TAFA5: variants seen among roughly 807,000 people sequenced by gnomAD.
TAFA5 encodes the protein chemokine-like protein TAFA-5.
In TAFA5, 6 loss-of-function variants were observed where a neutral mutation model predicts 15.3. The ratio of observed to expected loss-of-function variants is 0.39; its 90% CI spans 0.21 to 0.77. TAFA5 has a LOEUF of 0.77. TAFA5 is among the 30% of genes least tolerant of loss of function. TAFA5 has a pLI of 0.41. For synonymous variants in TAFA5, 103 were observed against 80.7 expected, an observed-to-expected ratio of 1.28 and a Z score of -1.48; for missense variants, 161 against 193.1, an observed-to-expected ratio of 0.83 and a Z score of 0.98.
At chr22:48,607,766 C>A (rs114227506) in intron 1 of TAFA5, among the ~76,000 whole-genome samples, 19,241 of 151,778 alleles carry the variant, frequency 0.13, 1,325 homozygotes, top group African/African-American at 0.16. Context: ...GGGTCTGCAG[C>A]AGGCAGACCC....
chr22:48,668,846 A>C (rs1927710145), intron 2 of TAFA5, among the ~76,000 whole-genome samples: 1 of 152,198 alleles, frequency 6.6e-6, no homozygotes, highest in African/African-American at 2.4e-5. Flanking sequence ...CTCCTGGTGG[A>C]GGCTGCTGCG....
intron 2 of TAFA5, among the ~76,000 whole-genome samples, chr22:48,667,786 A>C (rs1192561941): frequency 2.6e-5 from 2 of 77,626 alleles, no homozygotes; most frequent in African/African-American, 1.1e-4. Context: ...GTAATCCCCC[A>C]GCACTCAGGA....
At chr22:48,678,598 G>A (rs972444038) in intron 2 of TAFA5, among the ~76,000 whole-genome samples, 5 of 152,184 alleles carry the variant, frequency 3.3e-5, no homozygotes, top group East Asian at 3.9e-4. Context: ...TGCGGCAGGC[G>A]GGGCCAGGGC....
intron 2 of TAFA5, among the ~76,000 whole-genome samples, chr22:48,703,941 C>A (rs541132409): frequency 6.6e-6 from 1 of 152,366 alleles, no homozygotes; most frequent in South Asian, 2.1e-4. Context: ...GAAGGGCTCA[C>A]TTCACCTGAG....
At chr22:48,685,959 C>T (rs900286308) in intron 2 of TAFA5, among the ~76,000 whole-genome samples, 9 of 136,036 alleles carry the variant, frequency 6.6e-5, no homozygotes, top group African/African-American at 3.4e-4. Context: ...CACGTGCGCC[C>T]CGGGAGTACA....
At chr22:48,684,468 C>CT (rs1928292812) in intron 2 of TAFA5, among the ~76,000 whole-genome samples, 1 of 152,168 alleles carries the variant, frequency 6.6e-6, no homozygotes, top group African/African-American at 2.4e-5. Flanking sequence ...TAACCATGGT[C>CT]TAGAAGTACA....
At chr22:48,636,979 A>G (rs1926473170) in intron 1 of TAFA5, among the ~76,000 whole-genome samples, 1 of 152,178 alleles carries the variant, frequency 6.6e-6, no homozygotes, top group Non-Finnish European at 1.5e-5. Flanking sequence ...AGGTATGGGC[A>G]GTAGGGGCCC....
At chr22:48,516,440 A>T (rs1921409707) in intron 1 of TAFA5, among the ~76,000 whole-genome samples, 1 of 151,956 alleles carries the variant, frequency 6.6e-6, no homozygotes, top group Non-Finnish European at 1.5e-5. Flanking sequence ...TTCAGTGCAG[A>T]CATCATCACC....
intron 3 of TAFA5, among the ~76,000 whole-genome samples, chr22:48,739,355 T>C (rs1930116521): frequency 2.0e-5 from 3 of 152,332 alleles, no homozygotes; most frequent in African/African-American, 7.2e-5. Flanking sequence ...ATGTTGAGAC[T>C]GCGGTCTGGT....
rs985209123 is a variant in TAFA5 at position 48,558,357 on chromosome 22, T to C, written c.112+68653T>C. On this transcript the variant is annotated intron_variant, in intron 1 of 3. Coordinates refer to ENST00000402357, the MANE Select transcript of TAFA5 (RefSeq NM_001082967.3). Reference sequence around the variant, plus strand: ...TTTTACACATAGACAAATTAAATCTTGTTTTTGAATGCGTCCCTCCCTGGA... The same window carrying C: ...TTTTACACATAGACAAATTAAATCTCGTTTTTGAATGCGTCCCTCCCTGGA... Among the ~76,000 whole-genome samples, 112 of 152,226 alleles carry C rather than the reference T, an allele frequency of 7.4e-4. 2 individuals are homozygous for C. Among genetic ancestry groups the C allele is most frequent in the Admixed American group, 6.5e-4 (10 of 15,288 alleles).
chr22:48,564,689 T>G (rs1027494357), intron 1 of TAFA5, among the ~76,000 whole-genome samples: 1 of 152,176 alleles, frequency 6.6e-6, no homozygotes, highest in Non-Finnish European at 1.5e-5. Flanking sequence ...AGCCTCCTTC[T>G]CAGTTGGACA....
chr22:48,554,900 T>C (rs769639114), intron 1 of TAFA5, among the ~76,000 whole-genome samples: 3 of 152,128 alleles, frequency 2.0e-5, no homozygotes, highest in Non-Finnish European at 2.9e-5. Context: ...CCTCTCCCCA[T>C]AGTGGTCCTG....
intron 1 of TAFA5, among the ~76,000 whole-genome samples, chr22:48,521,969 G>A (rs189500859): frequency 2.6e-5 from 4 of 152,314 alleles, no homozygotes; most frequent in East Asian, 1.9e-4. Flanking sequence ...GACAGAGGCC[G>A]AGCTCCCGGC....
In TAFA5 at chr22:48,737,647, G is replaced by A. The variant is rs947827814; in HGVS notation, c.391-12192G>A. Among the ~76,000 whole-genome samples, 9 of 152,224 alleles carry A rather than the reference G, an allele frequency of 5.9e-5. No individual in the cohort carries two copies. The South Asian group carries it at 8.3e-4, about 14-fold the overall frequency. On this transcript the variant is annotated intron_variant, in intron 3 of 3. Transcript: ENST00000402357. ...GGAAGGTTGGAAGTGGCAGAGCCACGTCCTTCACACGCCCTTCGATGTTGC... is the reference window on the plus strand; with the variant it reads ...GGAAGGTTGGAAGTGGCAGAGCCACATCCTTCACACGCCCTTCGATGTTGC...
intron 1 of TAFA5, among the ~76,000 whole-genome samples, chr22:48,586,460 T>G (rs2147152806): frequency 6.6e-6 from 1 of 152,164 alleles, no homozygotes; most frequent in Middle Eastern, 3.4e-3. Context: ...AAGGGAATGA[T>G]AAAAGGAGTG....
At chr22:48,630,269 C>T (rs1926169833) in intron 1 of TAFA5, among the ~76,000 whole-genome samples, 2 of 152,136 alleles carry the variant, frequency 1.3e-5, no homozygotes, top group South Asian at 2.1e-4. Context: ...CGCTGAATGA[C>T]GTGTCCCCTG....
chr22:48,542,333 G>GGT (rs1333915692), intron 1 of TAFA5, among the ~76,000 whole-genome samples: 4 of 132,602 alleles, frequency 3.0e-5, no homozygotes. Flanking sequence ...TGATGTGTGT[G>GGT]GTGTGTGTGT....
intron 1 of TAFA5, chr22:48,576,350 G>C (rs1414589540): frequency 8.2e-7 from 1 of 1,213,962 alleles, no homozygotes; most frequent in East Asian, 3.4e-5. Flanking sequence ...AGTCGCGGCG[G>C]AGCGCGGCGT....
chr22:48,496,986 G>A lies in TAFA5; in HGVS notation c.112+7282G>A, dbSNP rs1307787204. ...GCCCCCTCACCTCCCAGCCACCAGGGGAGGAGCTGCTGGACTGGAGGCCCC... is the reference window on the plus strand; with the variant it reads ...GCCCCCTCACCTCCCAGCCACCAGGAGAGGAGCTGCTGGACTGGAGGCCCC... On this transcript the variant is annotated intron_variant, in intron 1 of 3. Transcript: ENST00000402357. Among the ~76,000 whole-genome samples, 5 of 152,334 alleles carry A rather than the reference G, an allele frequency of 3.3e-5. No individual in the cohort carries two copies. In the East Asian group the frequency reaches 9.6e-4, roughly 29 times the overall value.
Sources: allele counts gnomAD v4.1 joint callset (sites outside exome capture counted in the v4.1 genomes callset), GRCh38; gene constraint gnomAD v4.1.1; transcripts MANE v1.5; gene names NCBI Gene and HGNC (gene_info 2026-07-23, HGNC 2026-07-21).